Variants in ATP11B observed in about 807,000 individuals in gnomAD.
ATP11B encodes phospholipid-transporting ATPase IF.
Under a neutral mutation model 157.8 loss-of-function variants are expected in ATP11B, and 81 were observed. The observed-to-expected ratio is 0.51, with a 90% CI of 0.43 to 0.62. The LOEUF is 0.62. Among genes scored for constraint, ATP11B ranks in the 20% least tolerant of loss-of-function variants. The pLI is 0.00. For missense variants in ATP11B, 1,165 were observed against 1,402.2 expected, an observed-to-expected ratio of 0.83 and a Z score of 2.70; for synonymous variants, 451 against 469.4, an observed-to-expected ratio of 0.96 and a Z score of 0.51.
Position 182,858,006 on chromosome 3 carries a change from A to T in ATP11B, c.980A>T (p.Glu327Val). 1.2e-6 allele frequency: 2 copies of T among 1,611,930 alleles called. No homozygotes were observed. The highest frequency in any genetic ancestry group is 1.7e-6 in the Non-Finnish European group (2 of 1,178,456). ...GAACCTTGGTATAACCAAAAAACAG[A>T]ACATCAAAGAAATAGCAGTAAGGTA... Reference protein sequence around the residue: ...WDEPWYNQKTEHQRNSSKILR... With the variant: ...WDEPWYNQKTVHQRNSSKILR... Residue 327 changes from glutamate to valine, a missense_variant, in exon 11 of 30, where the codon GAA becomes GTA. Physicochemically the swap from Glu to Val is moderately radical, Grantham distance 121. Around this residue, in one of 4 missense-constraint regions of ATP11B, gnomAD observed 737 missense variants for 930.5 expected, o/e 0.79. Coordinates refer to ENST00000323116, the MANE Select transcript of ATP11B (RefSeq NM_014616.3).
In ATP11B at chr3:182,848,542, G is replaced by A. The variant is rs73177313; in HGVS notation, c.836G>A (p.Arg279Gln). The change falls in exon 10 of 30, where the codon CGA becomes CAA. Residue 279 changes from arginine to glutamine, a missense_variant. Coordinates refer to ENST00000323116, the MANE Select transcript of ATP11B (RefSeq NM_014616.3). ...AATTACAAGAGCAAATCACAGAAAC[G>A]ATCTGCAGTAGAAAAGTAAGAAAAC... is the stretch of plus-strand genomic sequence containing the variant. ...ALNYKSKSQK[R>Q]SAVEKSMNTF... 2 of 1,555,590 alleles carry A rather than the reference G, an allele frequency of 1.3e-6. No homozygotes were observed. Among genetic ancestry groups the A allele is most frequent in the South Asian group, 1.3e-5 (1 of 78,580 alleles).
intron 17 of ATP11B, among the ~76,000 whole-genome samples, chr3:182,871,416 A>G (rs1721647512): frequency 6.6e-6 from 1 of 152,266 alleles, no homozygotes; most frequent in African/African-American, 2.4e-5. Flanking sequence ...ATACTATAAG[A>G]AAACTTTGGC....
At position 182,918,129 on chromosome 3, in the gene ATP11B, C is replaced by T. The variant is rs1725257527; in HGVS notation, c.*25C>T. ...AAGGGGCAGTAGTACTTTGTGGGAG[C>T]CAGTTCACCTCCTTTCCTAAAATTC... On this transcript the variant is annotated 3_prime_UTR_variant, in exon 30 of 30. Transcript: ENST00000323116. 6.2e-7 allele frequency: 1 copy of T among 1,610,942 alleles called. No homozygotes were observed. Among genetic ancestry groups the T allele is most frequent in the Non-Finnish European group, 8.5e-7 (1 of 1,178,458 alleles).
chr3:182,872,262 C>T (rs1721719298), intron 17 of ATP11B, 94 bp from the exon 18 acceptor site: 2 of 825,600 alleles, frequency 2.4e-6, no homozygotes, highest in Non-Finnish European at 1.9e-6. Context: ...ACTTTTGGTA[C>T]TAGGTCTTCA....
intron 4 of ATP11B, among the ~76,000 whole-genome samples, chr3:182,832,180 T>C (rs914061113): frequency 6.6e-6 from 1 of 152,168 alleles, no homozygotes; most frequent in East Asian, 1.9e-4. Context: ...TCAGTCTCCT[T>C]CCAAAATTGG....
chr3:182,867,863 G>A (rs1048558259), intron 15 of ATP11B, among the ~76,000 whole-genome samples: 2 of 152,114 alleles, frequency 1.3e-5, no homozygotes, highest in Non-Finnish European at 2.9e-5. Flanking sequence ...GATCCACTGT[G>A]CCTGGCCCAC....
chr3:182,845,872 A>G (rs1011437314), intron 9 of ATP11B, among the ~76,000 whole-genome samples: 2 of 152,216 alleles, frequency 1.3e-5, no homozygotes, highest in Non-Finnish European at 2.9e-5. Context: ...CATTATGATT[A>G]TTAGATTGGA....
intron 12 of ATP11B, among the ~76,000 whole-genome samples, chr3:182,863,130 T>C (rs1385957128): frequency 6.6e-6 from 1 of 151,938 alleles, no homozygotes. Flanking sequence ...GGTCTCGATC[T>C]CCTGACCTCG....
Position 182,858,218 on chromosome 3 carries a change from G to A in ATP11B, c.1002+190G>A, listed in dbSNP as rs151184133. Among the ~76,000 whole-genome samples, 711 of 152,236 alleles carry A rather than the reference G, an allele frequency of 4.7e-3. 17 individuals carry two copies. The highest frequency in any genetic ancestry group is 2.0e-3 in the Non-Finnish European group (137 of 67,998). On this transcript the variant is annotated intron_variant, in intron 11 of 29. Transcript: ENST00000323116. ...TACTGATACGCTTTTTGTAGTTTAC[G>A]GCATAAAAAGTTGTATTCCCTGTGG...
chr3:182,870,838 G>T (rs1721605025), intron 17 of ATP11B, among the ~76,000 whole-genome samples: 2 of 149,988 alleles, frequency 1.3e-5, no homozygotes, highest in African/African-American at 4.9e-5. Context: ...TGAGGCAGGA[G>T]AATCACTTGA....
chr3:182,866,931 AT>A lies in ATP11B; in HGVS notation c.1620-436del, dbSNP rs535954806. 3.0e-3 allele frequency among the ~76,000 whole-genome samples: 243 copies of A among 80,044 alleles called. 1 individual carries two copies. Among genetic ancestry groups the A allele is most frequent in the African/African-American group, 7.4e-3 (227 of 30,668 alleles). 52.5% of individuals were successfully genotyped at this position (80,044 alleles called of 152,430 possible). On this transcript the variant is annotated intron_variant, in intron 14 of 29. Coordinates refer to ENST00000323116, the MANE Select transcript of ATP11B (RefSeq NM_014616.3). ...AAGAATATATATAAAATATATATAT[AT>A]TTTTTTTTCTTTTTTTGAGATGGAA...
intron 1 of ATP11B, among the ~76,000 whole-genome samples, chr3:182,795,055 A>G (rs990539292): frequency 1.3e-5 from 2 of 152,098 alleles, no homozygotes; most frequent in African/African-American, 4.8e-5. Flanking sequence ...AAAAATTATA[A>G]ATAAGAACTG....
chr3:182,820,027 C>T (rs1357746046), intron 1 of ATP11B, among the ~76,000 whole-genome samples: 1 of 150,888 alleles, frequency 6.6e-6, no homozygotes, highest in East Asian at 1.9e-4. Flanking sequence ...ACCTGTTTAC[C>T]TGTGAAAGAA....
chr3:182,813,719 T>A (rs777055085), intron 1 of ATP11B, among the ~76,000 whole-genome samples: 6 of 152,130 alleles, frequency 3.9e-5, no homozygotes, highest in Non-Finnish European at 8.8e-5. Flanking sequence ...ACATTTGTTT[T>A]TTATTATTTT....
intron 10 of ATP11B, among the ~76,000 whole-genome samples, chr3:182,856,677 C>T (rs889223422): frequency 4.6e-5 from 7 of 152,096 alleles, no homozygotes; most frequent in African/African-American, 7.2e-5. Context: ...AATAACCAAA[C>T]GAAAGCCAGT....
At chr3:182,905,899 G>T (rs1724310600) in intron 28 of ATP11B, 1 of 456,448 alleles carries the variant, frequency 2.2e-6, no homozygotes, top group Non-Finnish European at 4.4e-6. Context: ...CAGCCAGCAG[G>T]ACAGTTGTTG....
chr3:182,809,111 T>TA (rs967951234), intron 1 of ATP11B, among the ~76,000 whole-genome samples: 12 of 151,992 alleles, frequency 7.9e-5, no homozygotes, highest in South Asian at 2.1e-4. Flanking sequence ...TATAGGAGAT[T>TA]AAAAAAATAG....
At chr3:182,876,386 T>C (rs1722042729) in intron 19 of ATP11B, among the ~76,000 whole-genome samples, 1 of 152,208 alleles carries the variant, frequency 6.6e-6, no homozygotes, top group Admixed American at 6.5e-5. Flanking sequence ...TTAATGAATA[T>C]GCTAATCATT....
intron 2 of ATP11B, among the ~76,000 whole-genome samples, chr3:182,825,473 C>T (rs1024605934): frequency 1.3e-5 from 2 of 152,098 alleles, no homozygotes; most frequent in Non-Finnish European, 2.9e-5. Context: ...AATCCTAGTA[C>T]TTTGGGAGGC....
Sources: gnomAD v4.1 joint callset for allele counts (sites outside exome capture counted in the v4.1 genomes callset) on GRCh38, gnomAD v4.1.1 for gene constraint, gnomAD v4.1.1 regional missense constraint, MANE v1.5 for transcripts, NCBI Gene and HGNC (gene_info 2026-07-23, HGNC 2026-07-21) for gene names.